The following CPQ variants were observed in gnomAD, a reference collection of about 807,000 sequenced individuals.
The protein encoded by CPQ is Ser-Met dipeptidase.
Under a neutral mutation model 45.7 loss-of-function variants are expected in CPQ, and 37 were observed. The ratio of observed to expected loss-of-function variants is 0.81; its 90% CI spans 0.62 to 1.07. CPQ has a LOEUF of 1.07. Ranked by LOEUF, CPQ falls within the 50% of genes least tolerant of loss-of-function variation. The probability of loss-of-function intolerance (pLI) is 0.00; values close to 1 mark genes in which losing one functional copy is unlikely to be tolerated. For missense variants in CPQ, 537 were observed against 572.9 expected (o/e 0.94, Z 0.64); for synonymous variants, 186 against 205.8 (o/e 0.90, Z 0.82).
chr8:97,086,046 G>A (rs779780325), intron 7 of CPQ, among the ~76,000 whole-genome samples: 5 of 152,236 alleles, frequency 3.3e-5, no homozygotes, highest in South Asian at 2.1e-4. Context: ...AAATGCCTGA[G>A]CATGTCTCTT....
intron 2 of CPQ, among the ~76,000 whole-genome samples, chr8:96,833,932 A>G (rs1045044160): frequency 6.6e-6 from 1 of 152,144 alleles, no homozygotes; most frequent in Non-Finnish European, 1.5e-5. Flanking sequence ...TTTCAGAAAA[A>G]CTTATTTCTC....
chr8:97,124,824 A>C (rs1003295031), intron 7 of CPQ, among the ~76,000 whole-genome samples: 1 of 152,210 alleles, frequency 6.6e-6, no homozygotes, highest in African/African-American at 2.4e-5. Flanking sequence ...TTAGAAAAGA[A>C]GAAAGTTCTA....
intron 6 of CPQ, among the ~76,000 whole-genome samples, chr8:97,046,738 C>T (rs541687340): frequency 2.6e-4 from 40 of 152,298 alleles, no homozygotes; most frequent in African/African-American, 8.4e-4. Context: ...GCTGGAAGAA[C>T]GTACAGCATC....
At chr8:96,846,575 TTC>T (rs150721788) in intron 3 of CPQ, among the ~76,000 whole-genome samples, 65 of 149,702 alleles carry the variant, frequency 4.3e-4, no homozygotes, top group Non-Finnish European at 3.9e-4. Flanking sequence ...CACATTTGCT[TTC>T]TCTCTCTCTC....
chr8:96,854,668 TA>T (rs1419764524), intron 3 of CPQ, among the ~76,000 whole-genome samples: 11 of 151,044 alleles, frequency 7.3e-5, no homozygotes, highest in Non-Finnish European at 1.0e-4. Context: ...AAATTTATCA[TA>T]AAGAATTGGT....
intron 2 of CPQ, among the ~76,000 whole-genome samples, chr8:96,821,126 A>ATTT (rs572906188): frequency 2.1e-4 from 13 of 60,932 alleles, no homozygotes; most frequent in African/African-American, 9.5e-4. Flanking sequence ...TTTAATCTGA[A>ATTT]TTTTTTTTTT....
At chr8:97,086,712 C>T (rs1811046693) in intron 7 of CPQ, among the ~76,000 whole-genome samples, 1 of 152,170 alleles carries the variant, frequency 6.6e-6, no homozygotes, top group South Asian at 2.1e-4. Flanking sequence ...TAGATCTCCT[C>T]TTCAGTTTCT....
At chr8:96,887,981 T>C (rs914744575) in intron 4 of CPQ, among the ~76,000 whole-genome samples, 2 of 152,232 alleles carry the variant, frequency 1.3e-5, no homozygotes, top group African/African-American at 4.8e-5. Flanking sequence ...AACTCTAGTT[T>C]GTTAACTGAA....
intron 1 of CPQ, chr8:96,680,428 T>C (rs542073847): frequency 6.6e-6 from 1 of 152,092 alleles, no homozygotes; most frequent in East Asian, 1.9e-4. Flanking sequence ...TGGGATCTTA[T>C]GGTTTTAAAA....
intron 7 of CPQ, among the ~76,000 whole-genome samples, chr8:97,122,605 G>T (rs1331489869): frequency 6.6e-6 from 1 of 152,020 alleles, no homozygotes; most frequent in Non-Finnish European, 1.5e-5. Context: ...AAATATGTAA[G>T]CTGGGTGTGG....
intron 1 of CPQ, among the ~76,000 whole-genome samples, chr8:96,767,634 G>GTTT (rs1563491733): frequency 4.1e-5 from 3 of 72,950 alleles, no homozygotes; most frequent in African/African-American, 1.2e-4. Context: ...GGTTACCTAT[G>GTTT]CTTTTTTTTT....
chr8:96,973,745 C>A (rs1813722372), intron 5 of CPQ, among the ~76,000 whole-genome samples: 1 of 152,086 alleles, frequency 6.6e-6, no homozygotes, highest in South Asian at 2.1e-4. Flanking sequence ...CAATTATCAG[C>A]CAAGAATTTT....
chr8:96,680,301 C>T (rs1403163311), intron 1 of CPQ: 3 of 152,078 alleles, frequency 2.0e-5, no homozygotes, highest in African/African-American at 7.2e-5. Flanking sequence ...TTGGCTGTGT[C>T]CCCACCCAAA....
At chr8:97,003,322 A>G (rs1809318311) in intron 5 of CPQ, among the ~76,000 whole-genome samples, 1 of 152,048 alleles carries the variant, frequency 6.6e-6, no homozygotes. Context: ...TATTTTGCAG[A>G]CTTGTTTATG....
At chr8:96,997,235 G>A (rs1809193653) in intron 5 of CPQ, among the ~76,000 whole-genome samples, 1 of 151,810 alleles carries the variant, frequency 6.6e-6, no homozygotes, top group Non-Finnish European at 1.5e-5. Flanking sequence ...TGGTTCCACT[G>A]GTTTATTAGA....
At chr8:96,840,669 T>G (rs1169158163) in intron 3 of CPQ, among the ~76,000 whole-genome samples, 1 of 152,102 alleles carries the variant, frequency 6.6e-6, no homozygotes, top group African/African-American at 2.4e-5. Flanking sequence ...CCTCTAATAA[T>G]GCAGATATGA....
chr8:96,977,195 A>G (rs142083879), intron 5 of CPQ, among the ~76,000 whole-genome samples: 4 of 152,196 alleles, frequency 2.6e-5, no homozygotes, highest in Non-Finnish European at 5.9e-5. Context: ...TGAATAGACA[A>G]TTCTCAAAAG....
chr8:96,871,618 G>T (rs1195319995), intron 3 of CPQ, among the ~76,000 whole-genome samples: 2 of 143,282 alleles, frequency 1.4e-5, no homozygotes, highest in East Asian at 4.1e-4. Context: ...GCTGCAGTTT[G>T]CTTGATTACA....
At chr8:97,134,738 G>A (rs1812019739) in intron 7 of CPQ, among the ~76,000 whole-genome samples, 1 of 152,164 alleles carries the variant, frequency 6.6e-6, no homozygotes, top group Non-Finnish European at 1.5e-5. Flanking sequence ...AGACACCTGG[G>A]TTTGAATTCT....
Sources: allele counts gnomAD v4.1 joint callset (sites outside exome capture counted in the v4.1 genomes callset), GRCh38; gene constraint gnomAD v4.1.1; transcripts MANE v1.5; gene names NCBI Gene and HGNC (gene_info 2026-07-23, HGNC 2026-07-21).